Variants in PDGFRA observed in about 807,000 individuals in gnomAD.
PDGFRA encodes platelet-derived growth factor receptor alpha.
In PDGFRA, 25 loss-of-function variants were observed where a neutral mutation model predicts 121.5. The ratio of observed to expected loss-of-function variants is 0.21; its 90% CI spans 0.15 to 0.29. PDGFRA has a LOEUF of 0.29. Ranked by LOEUF, PDGFRA falls within the 10% of genes least tolerant of loss-of-function variation. PDGFRA has a pLI of 1.00. For synonymous variants in PDGFRA, 463 were observed against 494.8 expected, an observed-to-expected ratio of 0.94 and a Z score of 0.85; for missense variants, 1,008 against 1,345.1, an observed-to-expected ratio of 0.75 and a Z score of 3.92.
intron 22 of PDGFRA, 102 bp from the exon 23 acceptor site, chr4:54,295,023 C>T (rs894360625): frequency 2.4e-6 from 3 of 1,253,732 alleles, no homozygotes; most frequent in African/African-American, 2.9e-5. Context: ...CTGTGCAGCC[C>T]AAATTTGAAT....
At position 54,295,795 on chromosome 4, in the gene PDGFRA, G is replaced by A. The variant is rs1374222263; in HGVS notation, c.*523G>A. 2 of 242,650 alleles carry A rather than the reference G, an allele frequency of 8.2e-6. No individual in the cohort carries two copies. The highest frequency in any genetic ancestry group is 1.6e-5 in the Non-Finnish European group (2 of 123,268). 15.0% of individuals were successfully genotyped at this position (242,650 alleles called of 1,614,324 possible). On this transcript the variant is annotated 3_prime_UTR_variant, in exon 23 of 23. Transcript: ENST00000257290. ...AAAAACCATTTTTGAACCTTAAAAG[G>A]TACTGGTACTATAGCATTTTGCTAT...
At chr4:54,239,313 C>G (rs1028829312) in intron 1 of PDGFRA, among the ~76,000 whole-genome samples, 1 of 152,380 alleles carries the variant, frequency 6.6e-6, no homozygotes, top group Non-Finnish European at 1.5e-5. Flanking sequence ...TATACTCACT[C>G]AAGCAGCCAT....
At position 54,278,512 on chromosome 4, in the gene PDGFRA, G is replaced by T. The variant is rs367722824; in HGVS notation, c.2153G>T (p.Arg718Leu). Residue 718 changes from arginine to leucine, a missense_variant, in exon 15 of 23, where the codon CGG (arginine) becomes CTG (leucine). Physicochemically the swap from Arg to Leu is moderately radical, Grantham distance 102. Coordinates refer to ENST00000257290, the MANE Select transcript of PDGFRA (RefSeq NM_006206.6). ...FGLNPADEST[R>L]SYVILSFENN... ...TTGAACCCTGCTGATGAAAGCACACGGAGGTGGGTGCAAAGAGAGATGTTG... is the reference window on the plus strand; with the variant it reads ...TTGAACCCTGCTGATGAAAGCACACTGAGGTGGGTGCAAAGAGAGATGTTG... 6.2e-7 allele frequency: 1 copy of T among 1,613,906 alleles called. No individual in the cohort carries two copies. The highest frequency in any genetic ancestry group is 8.5e-7 in the Non-Finnish European group (1 of 1,179,856).
At chr4:54,289,769 A>C (rs1049803730) in intron 21 of PDGFRA, among the ~76,000 whole-genome samples, 1 of 152,222 alleles carries the variant, frequency 6.6e-6, no homozygotes, top group Non-Finnish European at 1.5e-5. Flanking sequence ...TCTGTTAATT[A>C]TCTCACTGCC....
At chr4:54,248,465 A>G (rs1352428178) in intron 1 of PDGFRA, among the ~76,000 whole-genome samples, 1 of 152,224 alleles carries the variant, frequency 6.6e-6, no homozygotes, top group Non-Finnish European at 1.5e-5. Context: ...AGCAATGGGG[A>G]AAGGATTCTT....
Position 54,281,602 on chromosome 4 carries a change from C to T in PDGFRA, c.2323+1120C>T, listed in dbSNP as rs2291591. 0.086 allele frequency: 116,264 copies of T among 1,352,558 alleles called. 5,342 individuals carry two copies. The highest frequency in any genetic ancestry group is 0.11 in the Middle Eastern group (568 of 5,056). 83.8% of individuals were successfully genotyped at this position (1,352,558 alleles called of 1,614,324 possible). A position where few individuals can be genotyped will look rare whatever the true frequency, so the allele number is the denominator to read the frequency against. On this transcript the variant is annotated intron_variant, in intron 16 of 22. Transcript: ENST00000257290. ...CCAGGCTGGGCTGGTGGAGTTGGCA[C>T]GAGATGTCAGAGGAACCTGAGTCAT...
rs965423318 is a variant in PDGFRA at position 54,297,376 on chromosome 4, T to G, written c.*2104T>G. ...ACTTTCTTATCCAACTTTTTCATAG[T>G]AAGTGCGAAGACTGAGCCAGATTGG... On this transcript the variant is annotated 3_prime_UTR_variant, in exon 23 of 23. Coordinates refer to ENST00000257290, the MANE Select transcript of PDGFRA (RefSeq NM_006206.6). The G allele has an allele frequency of 1.3e-5, 3 of 233,650 alleles. No homozygotes were observed. The highest frequency in any genetic ancestry group is 6.6e-5 in the African/African-American group (3 of 45,366). 14.5% of individuals were successfully genotyped at this position (233,650 alleles called of 1,614,324 possible). A position where few individuals can be genotyped will look rare whatever the true frequency, so the allele number is the denominator to read the frequency against.
chr4:54,244,591 A>C (rs916177392), intron 1 of PDGFRA, among the ~76,000 whole-genome samples: 1 of 152,210 alleles, frequency 6.6e-6, no homozygotes, highest in African/African-American at 2.4e-5. Context: ...CAAAGACCGA[A>C]AGTAGATAAA....
rs957095334 is a variant in PDGFRA, at chr4:54,246,560, C to T, written c.-12-12197C>T. On this transcript the variant is annotated intron_variant, in intron 1 of 22. Coordinates refer to ENST00000257290, the MANE Select transcript of PDGFRA (RefSeq NM_006206.6). Reference sequence around the variant, plus strand: ...CATACCAGAATCTCTGGGACACATTCAAAGCAGTGTGTAGAGGGAAATTTA... The same window carrying T: ...CATACCAGAATCTCTGGGACACATTTAAAGCAGTGTGTAGAGGGAAATTTA... Among the ~76,000 whole-genome samples the T allele has an allele frequency of 3.3e-5, 5 of 152,150 alleles. No homozygotes were observed. In the East Asian group the frequency reaches 9.7e-4, roughly 29 times the overall value.
intron 10 of PDGFRA, among the ~76,000 whole-genome samples, 166 bp from the exon 11 acceptor site, chr4:54,274,365 T>A (rs1296753498): frequency 1.3e-5 from 2 of 152,018 alleles, no homozygotes; most frequent in Non-Finnish European, 2.9e-5. Flanking sequence ...TGGGTGTAGA[T>A]GGTTTGAGAG....
chr4:54,234,541 A>G (rs1441829763), intron 1 of PDGFRA, among the ~76,000 whole-genome samples: 3 of 152,164 alleles, frequency 2.0e-5, no homozygotes, highest in Admixed American at 6.5e-5. Flanking sequence ...GCTCAGTAGG[A>G]CCGTAATAGG....
intron 2 of PDGFRA, among the ~76,000 whole-genome samples, chr4:54,259,573 C>T (rs575591317): frequency 6.6e-6 from 1 of 152,302 alleles, no homozygotes; most frequent in East Asian, 1.9e-4. Flanking sequence ...GATATTTATG[C>T]ACTGCAGATG....
At chr4:54,264,713 G>A (rs1201709415) in intron 4 of PDGFRA, 1 of 506,314 alleles carries the variant, frequency 2.0e-6, no homozygotes, top group Non-Finnish European at 3.5e-6. Flanking sequence ...TTATTATTTT[G>A]TAATTCTGTA....
At chr4:54,294,029 C>T (rs184328707) in intron 22 of PDGFRA, among the ~76,000 whole-genome samples, 241 of 151,830 alleles carry the variant, frequency 1.6e-3, no homozygotes, top group Middle Eastern at 3.4e-3. Flanking sequence ...ATGTAGACAG[C>T]CCTTGTTTAT....
intron 12 of PDGFRA, among the ~76,000 whole-genome samples, chr4:54,275,455 C>T (rs1421987744): frequency 2.0e-5 from 3 of 152,090 alleles, no homozygotes; most frequent in East Asian, 3.9e-4. Context: ...ATAAGCAAGC[C>T]AACTTATCAC....
At chr4:54,272,250 A>G in intron 8 of PDGFRA, 144 bp from the exon 9 acceptor site, 2 of 787,442 alleles carry the variant, frequency 2.5e-6, no homozygotes, top group Non-Finnish European at 4.4e-6. Context: ...TCTAAACTGG[A>G]GTGTTACTTG....
chr4:54,279,470 C>T (rs1162937512), intron 15 of PDGFRA, among the ~76,000 whole-genome samples: 3 of 152,184 alleles, frequency 2.0e-5, no homozygotes, highest in African/African-American at 7.2e-5. Flanking sequence ...GCTATTGAAA[C>T]CTTTCTTCCT....
intron 1 of PDGFRA, among the ~76,000 whole-genome samples, chr4:54,250,368 C>G (rs757576726): frequency 6.6e-6 from 1 of 152,136 alleles, no homozygotes; most frequent in African/African-American, 2.4e-5. Flanking sequence ...ATTAGTCCTT[C>G]TAGATATTAG....
intron 2 of PDGFRA, 29 bp from the exon 3 acceptor site, chr4:54,261,066 T>C (rs1299921828): frequency 1.2e-6 from 2 of 1,602,306 alleles, no homozygotes; most frequent in South Asian, 2.2e-5. Flanking sequence ...TCTGACTGCA[T>C]CCTATTCAGA....
Sources: allele counts gnomAD v4.1 joint callset (sites outside exome capture counted in the v4.1 genomes callset), GRCh38; gene constraint gnomAD v4.1.1; transcripts MANE v1.5; gene names NCBI Gene and HGNC (gene_info 2026-07-23, HGNC 2026-07-21).